DNAH14: variants seen among roughly 807,000 people sequenced by gnomAD.
DNAH14 encodes axonemal beta dynein heavy chain 14.
A neutral mutation model predicts 520.9 loss-of-function variants in DNAH14; 478 were observed. That is an observed-to-expected ratio of 0.92 (90% CI 0.85 to 0.99). The LOEUF (loss-of-function observed/expected upper bound fraction) is 0.99. Ranked by LOEUF, DNAH14 falls within the 50% of genes least tolerant of loss-of-function variation. DNAH14 has a pLI of 0.00. For synonymous variants in DNAH14, 1,581 were observed against 1,757.2 expected, an observed-to-expected ratio of 0.90 and a Z score of 2.51; for missense variants, 4,831 against 5,234.5, an observed-to-expected ratio of 0.92 and a Z score of 2.38.
intron 8 of DNAH14, among the ~76,000 whole-genome samples, chr1:224,996,429 G>C (rs953253689): frequency 1.3e-5 from 2 of 152,126 alleles, no homozygotes; most frequent in African/African-American, 4.8e-5. Flanking sequence ...CCAAAGTGTT[G>C]GGATTAGAGG....
In DNAH14 at chr1:224,964,364, A is replaced by G. The variant is rs12095812; in HGVS notation, c.368-115A>G. On this transcript the variant is annotated intron_variant, in intron 4 of 85. Transcript: ENST00000682510. Reference sequence around the variant, plus strand: ...TTCTCCTCTAATAATCGTTATGTATACTTTGTTACCATTTAAATTTTTCTC... The same window carrying G: ...TTCTCCTCTAATAATCGTTATGTATGCTTTGTTACCATTTAAATTTTTCTC... 13,879 of 1,188,112 alleles carry G rather than the reference A, an allele frequency of 0.012. 874 individuals are homozygous for G. The African/African-American group carries it at 0.16, about 14-fold the overall frequency. The allele number at this position is 1,188,112 out of a possible 1,614,324, so 73.6% of individuals were successfully genotyped here.
intron 81 of DNAH14, among the ~76,000 whole-genome samples, chr1:225,382,311 G>A (rs76551660): frequency 1.3e-5 from 2 of 152,306 alleles, no homozygotes; most frequent in East Asian, 3.9e-4. Flanking sequence ...GAAAAATGGT[G>A]CAGCTACTTT....
intron 17 of DNAH14, among the ~76,000 whole-genome samples, chr1:225,073,995 T>G (rs1324165174): frequency 1.7e-5 from 2 of 120,760 alleles, no homozygotes; most frequent in South Asian, 3.1e-4. Context: ...TAGGAAGTTT[T>G]TTTTTTTTTT....
chr1:225,061,069 G>GGATTCT (rs1420929068), intron 17 of DNAH14, among the ~76,000 whole-genome samples: 4 of 152,156 alleles, frequency 2.6e-5, no homozygotes, highest in Admixed American at 2.6e-4. Flanking sequence ...AGTCTGCAGA[G>GGATTCT]GATTCTGCTG....
At position 225,055,557 on chromosome 1, in the gene DNAH14, T is replaced by C. The variant is rs2068952355; in HGVS notation, c.2424+3762T>C. ...TTTATTTATTTATTTTTATTATACT[T>C]TAAATTTTAGGGTACATGTGCACAA... On this transcript the variant is annotated intron_variant, in intron 17 of 85. Transcript: ENST00000682510. 2.0e-5 allele frequency among the ~76,000 whole-genome samples: 3 copies of C among 152,190 alleles called. No homozygotes were observed. In the South Asian group the frequency reaches 6.2e-4, roughly 32 times the overall value.
At chr1:225,162,357 G>A (rs2081599438) in intron 35 of DNAH14, among the ~76,000 whole-genome samples, 1 of 152,024 alleles carries the variant, frequency 6.6e-6, no homozygotes, top group Non-Finnish European at 1.5e-5. Flanking sequence ...ATGGATATTG[G>A]TCTGTGTGTC....
At position 225,238,994 on chromosome 1, in the gene DNAH14, AC is replaced by A. The variant is rs2091796681; in HGVS notation, c.6519-1597del. 2.0e-5 allele frequency among the ~76,000 whole-genome samples: 3 copies of A among 152,312 alleles called. No individual in the cohort carries two copies. In the South Asian group the frequency reaches 6.2e-4, roughly 32 times the overall value. ...CCAGCAGGCTGGAACAACTGAGTCA[AC>A]CAAGAGATGGAAGCTGCCCTGCCCC... On this transcript the variant is annotated intron_variant, in intron 42 of 85. Coordinates refer to ENST00000682510, the MANE Select transcript of DNAH14 (RefSeq NM_001367479.1).
intron 77 of DNAH14, among the ~76,000 whole-genome samples, chr1:225,369,983 C>T (rs950612805): frequency 6.6e-6 from 1 of 152,058 alleles, no homozygotes; most frequent in African/African-American, 2.4e-5. Context: ...GTCAGGAGTT[C>T]AAGACCAGCC....
At chr1:224,968,318 G>A (rs892030236) in intron 6 of DNAH14, among the ~76,000 whole-genome samples, 4 of 151,658 alleles carry the variant, frequency 2.6e-5, no homozygotes, top group South Asian at 2.1e-4. Context: ...TGGGAAGAGA[G>A]AGAACTCCTT....
chr1:225,205,886 C>T lies in DNAH14; in HGVS notation c.5978-85C>T, dbSNP rs1047956643. 7.6e-6 allele frequency: 9 copies of T among 1,178,216 alleles called. No individual in the cohort carries two copies. In the African/African-American group the frequency reaches 1.4e-4, roughly 18 times the overall value. 73.0% of individuals were successfully genotyped at this position (1,178,216 alleles called of 1,614,324 possible). On this transcript the variant is annotated intron_variant, in intron 39 of 85. Transcript: ENST00000682510. ...TATCTTTCCTCTTAGAAAATATGTC[C>T]TAAGTAAAATAGAAAATTAGCAAGA...
intron 68 of DNAH14, 64 bp downstream of exon 68, chr1:225,338,246 C>G (rs541404588): frequency 3.0e-5 from 45 of 1,516,696 alleles, no homozygotes; most frequent in Admixed American, 3.9e-5. Context: ...ATATTGAATG[C>G]CTTGTATTTC....
At chr1:225,352,463 C>A in intron 72 of DNAH14, among the ~76,000 whole-genome samples, 1 of 152,030 alleles carries the variant, frequency 6.6e-6, no homozygotes, top group Non-Finnish European at 1.5e-5. Flanking sequence ...TTTTCCTTTG[C>A]TTTTATTTCT....
chr1:225,007,095 A>G (rs1168133736), intron 9 of DNAH14, among the ~76,000 whole-genome samples: 1 of 152,222 alleles, frequency 6.6e-6, no homozygotes, highest in African/African-American at 2.4e-5. Context: ...GGTGACTTCA[A>G]AAGTAAAAGT....
At position 225,007,543 on chromosome 1, in the gene DNAH14, A is replaced by G. The variant is rs2064274408; in HGVS notation, c.1106A>G (p.Lys369Arg). 1 of 1,519,588 alleles carries G rather than the reference A, an allele frequency of 6.6e-7. No individual in the cohort carries two copies. 94.1% of individuals were successfully genotyped at this position (1,519,588 alleles called of 1,614,324 possible). The change falls in exon 10 of 86, where the codon AAG becomes AGG. Residue 369 changes from lysine to arginine, a missense_variant and splice_region_variant. Coordinates refer to ENST00000682510, the MANE Select transcript of DNAH14 (RefSeq NM_001367479.1). ...AISEMKSTFL[K>R]VAEKNEIKEY... ...TCAGAGATGAAAAGTACTTTTCTAA[A>G]GGTAATTCTTTAATTATATCATATT...
chr1:225,232,241 T>TTTATATATATATAA lies in DNAH14; in HGVS notation c.6518+1090_6518+1091insTTATATATATATAA, dbSNP rs2091193784. Among the ~76,000 whole-genome samples the TTTATATATATATAA allele has an allele frequency of 6.6e-6, 1 of 151,192 alleles. No homozygotes were observed. The highest frequency in any genetic ancestry group is 2.4e-5 in the African/African-American group (1 of 41,136). ...ATTTCTTTTCACTGCTACCTACTAGTCCATTGTCATTATATATATAAACTG... is the reference window on the plus strand; with the variant it reads ...ATTTCTTTTCACTGCTACCTACTAGTTTATATATATATAACCATTGTCATTATATATATAAACTG... On this transcript the variant is annotated intron_variant, in intron 42 of 85. Transcript: ENST00000682510. This position sits in a 1 kb window ranked among gnomAD's most constrained non-coding sequence, Gnocchi z 4.2.
chr1:225,390,383 G>A (rs1198990501), intron 83 of DNAH14, among the ~76,000 whole-genome samples: 1 of 152,146 alleles, frequency 6.6e-6, no homozygotes, highest in African/African-American at 2.4e-5. Context: ...TCGTGGGGTG[G>A]AAAGAGAGTT....
intron 28 of DNAH14, among the ~76,000 whole-genome samples, chr1:225,141,806 T>C (rs1031951342): frequency 3.3e-5 from 5 of 152,182 alleles, no homozygotes; most frequent in Non-Finnish European, 5.9e-5. Context: ...GCCTTCCTCC[T>C]ACCTGGAGTC....
chr1:225,102,970 T>G (rs1429165736), intron 23 of DNAH14, among the ~76,000 whole-genome samples: 1 of 152,222 alleles, frequency 6.6e-6, no homozygotes, highest in African/African-American at 2.4e-5. Context: ...TGGCCATGCC[T>G]ATGTCCTGAA....
intron 6 of DNAH14, chr1:224,967,807 A>G (rs2061279429): frequency 7.1e-7 from 1 of 1,399,362 alleles, no homozygotes; most frequent in Non-Finnish European, 9.3e-7. Context: ...AAATTTTTTC[A>G]TCTATCAAAT....
Sources: allele counts gnomAD v4.1 joint callset (sites outside exome capture counted in the v4.1 genomes callset), GRCh38; gene constraint gnomAD v4.1.1; non-coding constraint Gnocchi (gnomAD v3.1); transcripts MANE v1.5; gene names NCBI Gene and HGNC (gene_info 2026-07-23, HGNC 2026-07-21).